Variants in MRAP2 observed in about 807,000 individuals in gnomAD.
MRAP2 encodes the protein melanocortin-2 receptor accessory protein 2.
MRAP2 carries 20 observed loss-of-function variants against 17.4 expected under a neutral mutation model. That is an observed-to-expected ratio of 1.15 (90% CI 0.81 to 1.67). MRAP2 has a LOEUF of 1.67. Ranked by LOEUF, MRAP2 falls within the 40% of genes most tolerant of loss-of-function variation. MRAP2 has a pLI of 0.00. For synonymous variants in MRAP2, 96 were observed against 88.4 expected, an observed-to-expected ratio of 1.09 and a Z score of -0.48; for missense variants, 238 against 240.0, an observed-to-expected ratio of 0.99 and a Z score of 0.05.
intron 3 of MRAP2, among the ~76,000 whole-genome samples, chr6:84,077,399 C>T (rs1003553928): frequency 1.3e-5 from 2 of 152,168 alleles, no homozygotes; most frequent in African/African-American, 4.8e-5. Context: ...TGGGGGCTGT[C>T]ACATCCTTCG....
chr6:84,115,939 C>A, the MRAP2 span, among the ~76,000 whole-genome samples: 608 of 152,230 alleles, frequency 4.0e-3, 4 homozygotes, highest in African/African-American at 0.014. Context: ...GTGAGATGAA[C>A]CAAGTACCTC....
chr6:84,075,333 G>A (rs2099497314), intron 3 of MRAP2, among the ~76,000 whole-genome samples: 1 of 152,196 alleles, frequency 6.6e-6, no homozygotes, highest in African/African-American at 2.4e-5. Flanking sequence ...CACTGAGAAG[G>A]TAGACTGCAG....
intron 3 of MRAP2, among the ~76,000 whole-genome samples, chr6:84,077,989 A>T (rs1157131665): frequency 1.3e-5 from 2 of 152,216 alleles, no homozygotes; most frequent in Non-Finnish European, 2.9e-5. Flanking sequence ...AACGTTACTT[A>T]ATTTAAATTT....
chr6:84,098,697 G>T, the MRAP2 span, among the ~76,000 whole-genome samples: 1 of 151,948 alleles, frequency 6.6e-6, no homozygotes, highest in East Asian at 1.9e-4. Flanking sequence ...TTTTTCAATT[G>T]CATTTCTCTA....
the MRAP2 span, among the ~76,000 whole-genome samples, chr6:84,096,476 T>TA: frequency 6.6e-6 from 1 of 152,334 alleles, no homozygotes; most frequent in South Asian, 2.1e-4. Flanking sequence ...CCCTATGACC[T>TA]ACCAGTGTGA....
downstream of MRAP2, among the ~76,000 whole-genome samples, chr6:84,093,266 A>C (rs2099502088): frequency 8.3e-6 from 1 of 119,764 alleles, no homozygotes; most frequent in South Asian, 2.4e-4. Context: ...GGGCAAGAAA[A>C]ATAGAGAGAG....
chr6:84,110,559 T>G, the MRAP2 span, among the ~76,000 whole-genome samples: 2 of 152,202 alleles, frequency 1.3e-5, no homozygotes, highest in Admixed American at 6.5e-5. Context: ...GTAGGTTGCC[T>G]GTTCACTCTG....
rs781669518 is a variant in MRAP2 at position 84,089,079 on chromosome 6, T to C, written c.228-12T>C. 3.0e-5 allele frequency: 47 copies of C among 1,590,248 alleles called. No homozygotes were observed. Among genetic ancestry groups the C allele is most frequent in the Non-Finnish European group, 3.9e-5 (46 of 1,170,420 alleles). ...GAGTGTAAGCAGTCTTTTATTTTCT[T>C]TTTTTAAATAGCAATGCAGAGTCCT... On this transcript the variant is annotated splice_polypyrimidine_tract_variant and intron_variant, in intron 3 of 3. Coordinates refer to ENST00000257776, the MANE Select transcript of MRAP2 (RefSeq NM_138409.4).
intron 1 of MRAP2, among the ~76,000 whole-genome samples, chr6:84,042,747 A>G (rs1319517133): frequency 6.6e-6 from 1 of 152,214 alleles, no homozygotes; most frequent in African/African-American, 2.4e-5. Context: ...CTGAGGTTGC[A>G]GTGGGTGCAG....
At chr6:84,062,575 A>T (rs1397267266) in intron 2 of MRAP2, 1 of 985,272 alleles carries the variant, frequency 1.0e-6, no homozygotes, top group Non-Finnish European at 1.2e-6. Context: ...TTATTTTCTA[A>T]CTCAAAACAC....
At chr6:84,069,043 A>C (rs763216147) in intron 3 of MRAP2, among the ~76,000 whole-genome samples, 1 of 152,068 alleles carries the variant, frequency 6.6e-6, no homozygotes. Flanking sequence ...TATCGTCAGC[A>C]AACAGTGACA....
intron 3 of MRAP2, among the ~76,000 whole-genome samples, chr6:84,074,069 A>C (rs1042356111): frequency 4.6e-5 from 7 of 152,292 alleles, no homozygotes; most frequent in African/African-American, 1.4e-4. Flanking sequence ...AGCATCCCTC[A>C]GTAAAGATGA....
intron 2 of MRAP2, among the ~76,000 whole-genome samples, chr6:84,059,420 T>G (rs1374915085): frequency 6.6e-6 from 1 of 152,214 alleles, no homozygotes; most frequent in Non-Finnish European, 1.5e-5. Context: ...AAAAGTGGTG[T>G]GAGGAAAGTG....
At chr6:84,120,093 C>T in the MRAP2 span, among the ~76,000 whole-genome samples, 2 of 152,198 alleles carry the variant, frequency 1.3e-5, no homozygotes, top group South Asian at 2.1e-4. Context: ...CTGGGGGACA[C>T]TCGTTTAAGT....
chr6:84,117,475 A>G, the MRAP2 span, among the ~76,000 whole-genome samples: 55 of 151,592 alleles, frequency 3.6e-4, no homozygotes, highest in African/African-American at 1.3e-3. Flanking sequence ...TACCTCTGGT[A>G]GAATTCATAT....
At chr6:84,140,857 G>T in the MRAP2 span, among the ~76,000 whole-genome samples, 2 of 152,228 alleles carry the variant, frequency 1.3e-5, no homozygotes, top group African/African-American at 4.8e-5. Flanking sequence ...ATAGCTTACT[G>T]GTCTAGAGCA....
chr6:84,111,868 G>T, the MRAP2 span, among the ~76,000 whole-genome samples: 15 of 152,264 alleles, frequency 9.9e-5, no homozygotes, highest in South Asian at 2.9e-3. Context: ...TAATCATGTG[G>T]TTTTTGTCAT....
chr6:84,110,311 G>C, the MRAP2 span, among the ~76,000 whole-genome samples: 1 of 152,078 alleles, frequency 6.6e-6, no homozygotes, highest in Non-Finnish European at 1.5e-5. Flanking sequence ...ATCTCATTGT[G>C]GTTTTGATTT....
intron 3 of MRAP2, among the ~76,000 whole-genome samples, chr6:84,064,700 G>T (rs1180938452): frequency 6.6e-6 from 1 of 152,168 alleles, no homozygotes; most frequent in Non-Finnish European, 1.5e-5. Context: ...TGTTAGCCAG[G>T]ATGGTCTCGA....
Sources: gnomAD v4.1 joint callset for allele counts (sites outside exome capture counted in the v4.1 genomes callset) on GRCh38, gnomAD v4.1.1 for gene constraint, MANE v1.5 for transcripts, NCBI Gene and HGNC (gene_info 2026-07-23, HGNC 2026-07-21) for gene names.